The following FAM167A variants were observed in gnomAD, a reference collection of about 807,000 sequenced individuals.
FAM167A encodes family with sequence similarity 167 member A, also known as protein FAM167A.
In FAM167A, 23 loss-of-function variants were observed where a neutral mutation model predicts 14.9. That is an observed-to-expected ratio of 1.55 (90% confidence interval 1.11 to 2.19). FAM167A has a LOEUF of 2.19. FAM167A is among the 30% of genes most tolerant of loss of function. The pLI is 0.00. For synonymous variants in FAM167A, 174 were observed against 117.7 expected, an observed-to-expected ratio of 1.48 and a Z score of -3.10; for missense variants, 401 against 281.5, an observed-to-expected ratio of 1.42 and a Z score of -3.04.
intron 1 of FAM167A, among the ~76,000 whole-genome samples, chr8:11,475,729 A>G (rs1301901054): frequency 6.6e-6 from 1 of 152,142 alleles, no homozygotes; most frequent in Non-Finnish European, 1.5e-5. Flanking sequence ...CCTAGAACAC[A>G]CAGATTCTCT....
intron 2 of FAM167A, 48 bp from the exon 3 acceptor site, chr8:11,424,684 C>A: frequency 6.2e-7 from 1 of 1,600,782 alleles, no homozygotes; most frequent in African/African-American, 1.3e-5. Context: ...TGGCTCGAGT[C>A]CCTGACAGGC....
At chr8:11,432,944 C>T (rs1205650569) in intron 2 of FAM167A, among the ~76,000 whole-genome samples, 2 of 152,152 alleles carry the variant, frequency 1.3e-5, no homozygotes, top group South Asian at 2.1e-4. Context: ...AACCATCATT[C>T]TCAGCAAACC....
chr8:11,431,588 C>T (rs993150400), intron 2 of FAM167A, among the ~76,000 whole-genome samples: 17 of 152,174 alleles, frequency 1.1e-4, no homozygotes, highest in Non-Finnish European at 2.1e-4. Context: ...TTAGAGCAAT[C>T]AGTTCAATCC....
chr8:11,426,432 C>G (rs1390987991), intron 2 of FAM167A, among the ~76,000 whole-genome samples: 1 of 152,194 alleles, frequency 6.6e-6, no homozygotes, highest in African/African-American at 2.4e-5. Context: ...AAGTATTTTA[C>G]AGAGTTTGTT....
At chr8:11,452,602 C>T (rs1026839957) in intron 1 of FAM167A, among the ~76,000 whole-genome samples, 1 of 152,206 alleles carries the variant, frequency 6.6e-6, no homozygotes, top group African/African-American at 2.4e-5. Context: ...GCCTCCACCC[C>T]ACGAGGTTGC....
intron 2 of FAM167A, 118 bp downstream of exon 2, chr8:11,443,913 G>C (rs1806598879): frequency 1.0e-5 from 13 of 1,276,140 alleles, no homozygotes; most frequent in Admixed American, 2.2e-5. Flanking sequence ...TTGGGGGTTA[G>C]AGAGAGGGGA....
chr8:11,434,896 G>C (rs556707418), intron 2 of FAM167A: 3 of 386,386 alleles, frequency 7.8e-6, no homozygotes, highest in African/African-American at 6.2e-5. Context: ...GTGCCGGAGA[G>C]AGAGTGGGAG....
chr8:11,423,399 T>TA lies in FAM167A; in HGVS notation c.*973_*974insT, dbSNP rs1804898464. 6.6e-6 allele frequency: 1 copy of TA among 152,646 alleles called. No homozygotes were observed. The highest frequency in any genetic ancestry group is 2.4e-5 in the African/African-American group (1 of 41,454). 9.5% of individuals were successfully genotyped at this position (152,646 alleles called of 1,614,324 possible). A position where few individuals can be genotyped will look rare whatever the true frequency, so the allele number is the denominator to read the frequency against. On this transcript the variant is annotated 3_prime_UTR_variant, in exon 3 of 3. Coordinates refer to ENST00000284486, the MANE Select transcript of FAM167A (RefSeq NM_053279.3). Reference sequence around the variant, plus strand: ...GAACAACACATCAGTAACAGTCTTATTAAAACTAGTTGTTTAGGTCAGGCA... The same window carrying TA: ...GAACAACACATCAGTAACAGTCTTATATAAAACTAGTTGTTTAGGTCAGGCA...
chr8:11,468,054 A>T (rs2117166645), upstream of FAM167A, among the ~76,000 whole-genome samples: 2 of 152,064 alleles, frequency 1.3e-5, 1 homozygote, highest in Middle Eastern at 6.8e-3. Context: ...TGCCCTACCC[A>T]GTTCTGGGAC....
intron 2 of FAM167A, among the ~76,000 whole-genome samples, chr8:11,425,891 G>A (rs1805107355): frequency 6.6e-6 from 1 of 152,138 alleles, no homozygotes; most frequent in African/African-American, 2.4e-5. Context: ...ACCATCTCTT[G>A]TGGGAGATAC....
At chr8:11,467,896 G>A (rs561780846), upstream of FAM167A, among the ~76,000 whole-genome samples, 90 of 152,400 alleles carry the variant, frequency 5.9e-4, 1 homozygote, top group South Asian at 1.0e-3. Context: ...ATGCTAATGA[G>A]GGAACGGTCC....
At position 11,424,615 on chromosome 8, in the gene FAM167A, G is replaced by A. The variant is rs1440616188; in HGVS notation, c.403C>T (p.Gln135Ter). 4 of 1,613,970 alleles carry A rather than the reference G, an allele frequency of 2.5e-6. No individual in the cohort carries two copies. The highest frequency in any genetic ancestry group is 1.7e-5 in the Admixed American group (1 of 60,034). ...KELTEMRLQDQQLARQLMRLR... is the reference protein window; with the variant it reads ...KELTEMRLQD ...CGCATGAGCTGTCTGGCCAGTTGCT[G>A]GTCCTGCAGCCGCATCTCCGTCTGG... The change falls in exon 3 of 3, where the codon CAG (glutamine) becomes TAG (stop). Residue 135 changes from glutamine to a stop codon, truncating the protein, a stop_gained. Coordinates refer to ENST00000284486, the MANE Select transcript of FAM167A (RefSeq NM_053279.3). LOFTEE classifies it high-confidence loss of function.
At chr8:11,445,450 C>G in intron 1 of FAM167A, 1 of 985,838 alleles carries the variant, frequency 1.0e-6, no homozygotes, top group African/African-American at 1.7e-5. Context: ...AGCAAATAAA[C>G]CTGCAGCTGT....
chr8:11,447,555 C>A (rs1386982892), intron 1 of FAM167A, among the ~76,000 whole-genome samples: 2 of 152,226 alleles, frequency 1.3e-5, no homozygotes. Context: ...CACATCTGCC[C>A]ATGTGAGCCC....
chr8:11,424,123 T>G lies in FAM167A; in HGVS notation c.*250A>C. On this transcript the variant is annotated 3_prime_UTR_variant, in exon 3 of 3. Coordinates refer to ENST00000284486, the MANE Select transcript of FAM167A (RefSeq NM_053279.3). ...GGGAACCCAGGTCTCCTTTAACATC[T>G]TGGTTGGAGCGGCCCTTCTGCAGAG... is the stretch of plus-strand genomic sequence containing the variant. The G allele has an allele frequency of 4.0e-6, 2 of 498,398 alleles. No individual in the cohort carries two copies. Among genetic ancestry groups the G allele is most frequent in the South Asian group, 2.7e-5 (1 of 37,174 alleles). The allele number at this position is 498,398 out of a possible 1,614,324, so 30.9% of individuals were successfully genotyped here.
intron 1 of FAM167A, among the ~76,000 whole-genome samples, chr8:11,457,385 T>A (rs888949034): frequency 2.0e-5 from 3 of 151,968 alleles, no homozygotes; most frequent in Non-Finnish European, 4.4e-5. Context: ...TGTCATATGC[T>A]GGCTGCTTCA....
Position 11,445,235 on chromosome 8 carries a change from G to T in FAM167A, c.-397-427C>A, listed in dbSNP as rs1472599859. ...CTTTCCTCTCTGTGGCAACAGCCGG[G>T]GGGTCCCCAGAGCCAGCCAGCAGGG... On this transcript the variant is annotated intron_variant, in intron 1 of 2. Transcript: ENST00000284486. 11 of 985,274 alleles carry T rather than the reference G, an allele frequency of 1.1e-5. No homozygotes were observed. The African/African-American group carries it at 1.9e-4, about 17-fold the overall frequency. 61.0% of individuals were successfully genotyped at this position (985,274 alleles called of 1,614,324 possible).
chr8:11,446,332 G>C (rs1303412403), intron 1 of FAM167A: 1 of 152,254 alleles, frequency 6.6e-6, no homozygotes, highest in Non-Finnish European at 1.5e-5. Flanking sequence ...GCCTGCCCTA[G>C]CAAGGGGCAT....
chr8:11,438,530 G>T, intron 2 of FAM167A: 1 of 456,804 alleles, frequency 2.2e-6, no homozygotes, highest in Non-Finnish European at 4.4e-6. Flanking sequence ...TTGCTTCTTT[G>T]GTCTTTCAAT....
Sources: gnomAD v4.1 joint callset for allele counts (sites outside exome capture counted in the v4.1 genomes callset) on GRCh38, gnomAD v4.1.1 for gene constraint, MANE v1.5 for transcripts, NCBI Gene and HGNC (gene_info 2026-07-23, HGNC 2026-07-21) for gene names.